SEMA3A: variants seen among roughly 807,000 people sequenced by gnomAD.
The protein encoded by SEMA3A is semaphorin 3A, also known as semaphorin-3A.
SEMA3A carries 29 observed loss-of-function variants against 97.9 expected under a neutral mutation model. That is an observed-to-expected ratio of 0.30 (90% CI 0.22 to 0.40). The LOEUF (loss-of-function observed/expected upper bound fraction) is 0.40. SEMA3A is among the 10% of genes least tolerant of loss of function. SEMA3A has a pLI of 1.00. For synonymous variants in SEMA3A, 321 were observed against 323.7 expected (o/e 0.99, Z 0.09); for missense variants, 763 against 951.3 (o/e 0.80, Z 2.60).
intron 1 of SEMA3A, among the ~76,000 whole-genome samples, chr7:84,482,701 T>A (rs1213377090): frequency 6.6e-6 from 1 of 152,220 alleles, no homozygotes; most frequent in African/African-American, 2.4e-5. Flanking sequence ...ATTATTGTTG[T>A]GGCCACAACT....
chr7:84,024,641 G>C, intron 6 of SEMA3A, among the ~76,000 whole-genome samples: 1 of 152,164 alleles, frequency 6.6e-6, no homozygotes, highest in East Asian at 1.9e-4. Context: ...TTTGAGGAGT[G>C]TTGGGAGAAT....
rs1183101723 is a variant in SEMA3A, at chr7:84,172,836, A to T, written c.112+21639T>A. 3.3e-5 allele frequency among the ~76,000 whole-genome samples: 5 copies of T among 152,336 alleles called. 1 individual carries two copies. The highest frequency in any genetic ancestry group is 6.8e-3 in the Middle Eastern group (2 of 294). ...ACTATGATTTACCAACCTCTCAGTT[A>T]ATCTATTGTTTTATTTTTGTTTTGG... is the stretch of plus-strand genomic sequence containing the variant. On this transcript the variant is annotated intron_variant, in intron 1 of 16. Coordinates refer to ENST00000265362, the MANE Select transcript of SEMA3A (RefSeq NM_006080.3).
intron 14 of SEMA3A, among the ~76,000 whole-genome samples, chr7:83,979,788 T>A (rs17305165): frequency 0.16 from 24,561 of 152,140 alleles, 2,268 homozygotes; most frequent in Non-Finnish European, 0.21. Flanking sequence ...TATAACAGAC[T>A]AAATTGTAGA....
intron 4 of SEMA3A, among the ~76,000 whole-genome samples, chr7:84,087,692 T>C (rs6467981): frequency 0.44 from 66,830 of 152,068 alleles, 15,758 homozygotes; most frequent in Admixed American, 0.53. Context: ...AAATGTGTTT[T>C]GGTGTAACTC....
intron 3 of SEMA3A, among the ~76,000 whole-genome samples, chr7:84,203,526 A>ATATTTTTTTTTTTT (rs372380784): frequency 1.2e-4 from 3 of 25,672 alleles, no homozygotes; most frequent in Non-Finnish European, 2.1e-4. Context: ...ATATATATAT[A>ATATTTTTTTTTTTT]TTTTTTTTTT....
In SEMA3A at chr7:84,129,177, C is replaced by A; in HGVS notation, c.279G>T (p.Trp93Cys). ...CATCTCTTCTGGTGTAAGATACTGG[C>A]CACACAATCTAAGGACAGAGAATAA... ...VNIKDFQKIV[W>C]PVSYTRRDEC... is the part of the protein sequence containing the mutation. Residue 93 changes from tryptophan (W) to cysteine (C), a missense_variant, in exon 3 of 17, where the codon TGG becomes TGT. This residue lies in a region of SEMA3A where 678 missense variants were observed against 881.3 expected (regional missense o/e 0.77). Coordinates refer to ENST00000265362, the MANE Select transcript of SEMA3A (RefSeq NM_006080.3). 6.2e-7 allele frequency: 1 copy of A among 1,612,308 alleles called. No homozygotes were observed. Among genetic ancestry groups the A allele is most frequent in the African/African-American group, 1.3e-5 (1 of 74,974 alleles).
At chr7:83,965,281 C>A (rs946086923) in intron 15 of SEMA3A, among the ~76,000 whole-genome samples, 24 of 151,602 alleles carry the variant, frequency 1.6e-4, no homozygotes, top group Middle Eastern at 3.4e-3. Flanking sequence ...TAGGAGGAGA[C>A]CTTTCATTCA....
chr7:84,312,399 T>C (rs1801347729), intron 2 of SEMA3A, among the ~76,000 whole-genome samples: 1 of 151,738 alleles, frequency 6.6e-6, no homozygotes, highest in South Asian at 2.1e-4. Flanking sequence ...TGGTAAAAGA[T>C]CATCCCTGAA....
rs112465395 is a variant in SEMA3A, at chr7:84,279,451, C to CT, written c.-83+27755dup. ...TTCTACAAAATCAATACCCTATAAT[C>CT]TTAAAAAAAATGTCAAGATTGTAGA... On this transcript the variant is annotated intron_variant, in intron 3 of 3. Transcript: ENST00000424555. Among the ~76,000 whole-genome samples, 5 of 65,810 alleles carry CT rather than the reference C, an allele frequency of 7.6e-5. 1 individual carries two copies. The highest frequency in any genetic ancestry group is 5.2e-4 in the African/African-American group (5 of 9,610). 43.2% of individuals were successfully genotyped at this position (65,810 alleles called of 152,430 possible).
In SEMA3A at chr7:83,956,427, G is replaced by A. The variant is rs1788278430; in HGVS notation, c.*4944C>T. 1 of 152,154 alleles carries A rather than the reference G, an allele frequency of 6.6e-6. No homozygotes were observed. Among genetic ancestry groups the A allele is most frequent in the African/African-American group, 2.4e-5 (1 of 41,430 alleles). 9.4% of individuals were successfully genotyped at this position (152,154 alleles called of 1,614,324 possible). ...GAATTCAGAGTTTCAGCTGACCTGT[G>A]CTGGTTTGAACTAGAGGAGAGATTA... On this transcript the variant is annotated 3_prime_UTR_variant, in exon 17 of 17. Coordinates refer to ENST00000265362, the MANE Select transcript of SEMA3A (RefSeq NM_006080.3).
chr7:84,076,506 G>T (rs1793955519), intron 4 of SEMA3A, among the ~76,000 whole-genome samples: 1 of 151,982 alleles, frequency 6.6e-6, no homozygotes, highest in East Asian at 1.9e-4. Flanking sequence ...ATACACTTCA[G>T]ACATAAAGAG....
At chr7:84,196,349 T>G (rs1305726422), upstream of SEMA3A, among the ~76,000 whole-genome samples, 1 of 131,230 alleles carries the variant, frequency 7.6e-6, no homozygotes, top group African/African-American at 3.2e-5. Flanking sequence ...TCGCTCGCTC[T>G]GCTTTCTCTC....
chr7:84,452,656 T>C (rs540160263), intron 1 of SEMA3A, among the ~76,000 whole-genome samples: 3 of 152,312 alleles, frequency 2.0e-5, no homozygotes, highest in African/African-American at 7.2e-5. Context: ...AAAGCCAGAA[T>C]ATGTAGTTAG....
At chr7:83,980,936 A>G (rs1789390146) in intron 14 of SEMA3A, among the ~76,000 whole-genome samples, 2 of 152,098 alleles carry the variant, frequency 1.3e-5, no homozygotes, top group Admixed American at 6.5e-5. Context: ...TGTACTACCT[A>G]AGACTCTAAA....
chr7:84,061,694 C>G (rs1437308569), intron 4 of SEMA3A, among the ~76,000 whole-genome samples: 1 of 151,884 alleles, frequency 6.6e-6, no homozygotes, highest in Non-Finnish European at 1.5e-5. Flanking sequence ...GAACTAATGG[C>G]AGGGTTTCAA....
intron 2 of SEMA3A, among the ~76,000 whole-genome samples, chr7:84,352,386 G>T (rs1802459146): frequency 6.6e-6 from 1 of 151,704 alleles, no homozygotes; most frequent in Admixed American, 6.6e-5. Context: ...GAGTATAATT[G>T]GAATGTTCAT....
intron 12 of SEMA3A, among the ~76,000 whole-genome samples, chr7:83,997,615 T>TATC (rs986723954): frequency 3.3e-5 from 5 of 152,216 alleles, no homozygotes; most frequent in African/African-American, 4.8e-5. Flanking sequence ...AATAGTTTTC[T>TATC]ATCAAAGGAA....
chr7:83,984,608 CTTT>C (rs371082897), intron 13 of SEMA3A, among the ~76,000 whole-genome samples: 5 of 98,880 alleles, frequency 5.1e-5, no homozygotes, highest in Admixed American at 1.4e-4. Flanking sequence ...GATTTTTCTG[CTTT>C]TTTTTTTTTT....
At chr7:84,489,506 TA>T (rs75482066) in intron 1 of SEMA3A, among the ~76,000 whole-genome samples, 29,866 of 152,048 alleles carry the variant, frequency 0.2, 3,565 homozygotes, top group East Asian at 0.47. Flanking sequence ...TCCAGGAATT[TA>T]TTTTGTGAAA....
Sources: gnomAD v4.1 joint callset for allele counts (sites outside exome capture counted in the v4.1 genomes callset) on GRCh38, gnomAD v4.1.1 for gene constraint, gnomAD v4.1.1 regional missense constraint, MANE v1.5 for transcripts, NCBI Gene and HGNC (gene_info 2026-07-23, HGNC 2026-07-21) for gene names.